Variants in HPSE2 observed in about 807,000 individuals in gnomAD.
HPSE2 encodes heparanase 2 (inactive).
Under a neutral mutation model 60.5 loss-of-function variants are expected in HPSE2, and 38 were observed. The observed-to-expected ratio is 0.63, with a 90% CI of 0.48 to 0.82. The LOEUF (loss-of-function observed/expected upper bound fraction) is 0.82, where lower values mean the gene tolerates loss of function less well. Among genes scored for constraint, HPSE2 ranks in the 40% least tolerant of loss-of-function variants. HPSE2 has a pLI of 0.00. For missense variants in HPSE2, 713 were observed against 740.4 expected (o/e 0.96, Z 0.43); for synonymous variants, 295 against 293.2 (o/e 1.01, Z -0.06).
At chr10:99,287,882 T>A in the HPSE2 span, among the ~76,000 whole-genome samples, 2 of 152,128 alleles carry the variant, frequency 1.3e-5, no homozygotes, top group African/African-American at 2.4e-5. Context: ...AAAAATGGCT[T>A]CTGGTAGGGG....
At chr10:98,499,396 G>A (rs916034150) in intron 9 of HPSE2, among the ~76,000 whole-genome samples, 1 of 152,068 alleles carries the variant, frequency 6.6e-6, no homozygotes, top group East Asian at 1.9e-4. Context: ...TGAATCCAGC[G>A]AAACTAAGCA....
intron 6 of HPSE2, among the ~76,000 whole-genome samples, chr10:98,673,259 T>C (rs1565068218): frequency 6.6e-6 from 1 of 152,184 alleles, no homozygotes; most frequent in Non-Finnish European, 1.5e-5. Context: ...TAGAGACAAA[T>C]GTATCAAGTT....
At chr10:98,917,671 T>C (rs1382738560) in intron 3 of HPSE2, among the ~76,000 whole-genome samples, 1 of 152,192 alleles carries the variant, frequency 6.6e-6, no homozygotes, top group Admixed American at 6.5e-5. Flanking sequence ...CTACCCTTAT[T>C]ATTATTATTT....
intron 6 of HPSE2, among the ~76,000 whole-genome samples, chr10:98,682,922 G>C (rs1000766908): frequency 2.0e-5 from 3 of 152,142 alleles, no homozygotes; most frequent in Non-Finnish European, 2.9e-5. Flanking sequence ...GGACCATCAA[G>C]CACAGTGAAG....
At chr10:98,504,613 C>T (rs935964955) in intron 9 of HPSE2, among the ~76,000 whole-genome samples, 9 of 152,020 alleles carry the variant, frequency 5.9e-5, no homozygotes, top group African/African-American at 2.2e-4. Context: ...CATGAAACCT[C>T]GTCTCTACTA....
chr10:98,494,557 CAGAT>C (rs1941768018), intron 9 of HPSE2, among the ~76,000 whole-genome samples: 1 of 152,188 alleles, frequency 6.6e-6, no homozygotes, highest in South Asian at 2.1e-4. Flanking sequence ...TTATGGCTAG[CAGAT>C]ATTTAAGAAT....
intron 9 of HPSE2, among the ~76,000 whole-genome samples, chr10:98,519,934 C>A (rs1011341779): frequency 6.6e-6 from 1 of 152,220 alleles, no homozygotes; most frequent in African/African-American, 2.4e-5. Flanking sequence ...CAGCAACATA[C>A]ATGAGAGCCA....
In HPSE2 at chr10:98,626,253, G is replaced by A. The variant is rs1245679093; in HGVS notation, c.1099-5545C>T. Among the ~76,000 whole-genome samples the A allele has an allele frequency of 2.6e-5, 4 of 152,304 alleles. 1 individual carries two copies. The highest frequency in any genetic ancestry group is 6.8e-3 in the Middle Eastern group (2 of 294). The stretch of plus-strand genomic sequence containing the variant: ...GAATTTGTTTGCAAAGCAAAAAGGA[G>A]CACCTCCTACCACCAGGAAGTTCAA... On this transcript the variant is annotated intron_variant, in intron 7 of 11. Coordinates refer to ENST00000370552, the MANE Select transcript of HPSE2 (RefSeq NM_021828.5).
chr10:99,297,646 C>G, the HPSE2 span, among the ~76,000 whole-genome samples: 1 of 152,112 alleles, frequency 6.6e-6, no homozygotes, highest in Non-Finnish European at 1.5e-5. Context: ...TATAACGAGA[C>G]ACTTGATTGT....
At chr10:98,617,014 A>G (rs919503422) in intron 8 of HPSE2, among the ~76,000 whole-genome samples, 12 of 152,204 alleles carry the variant, frequency 7.9e-5, no homozygotes, top group African/African-American at 2.9e-4. Flanking sequence ...AAATGGCACA[A>G]ATACAATAGG....
chr10:98,562,887 CA>C (rs1339101352), intron 9 of HPSE2, among the ~76,000 whole-genome samples: 3 of 151,710 alleles, frequency 2.0e-5, no homozygotes, highest in Non-Finnish European at 4.4e-5. Context: ...GATGATTTTA[CA>C]AGAGGTTTGA....
chr10:99,198,260 T>C (rs972183272), intron 2 of HPSE2, among the ~76,000 whole-genome samples: 2 of 152,192 alleles, frequency 1.3e-5, no homozygotes, highest in African/African-American at 4.8e-5. Context: ...TGAGTAATAA[T>C]AATTTTTTCT....
intron 3 of HPSE2, among the ~76,000 whole-genome samples, chr10:98,985,514 C>G (rs1197184773): frequency 1.3e-5 from 2 of 152,166 alleles, no homozygotes; most frequent in African/African-American, 4.8e-5. Context: ...AAAGGAACAA[C>G]CAGTACCAGC....
intron 3 of HPSE2, among the ~76,000 whole-genome samples, chr10:99,026,173 C>T (rs920800389): frequency 6.6e-6 from 1 of 151,910 alleles, no homozygotes; most frequent in African/African-American, 2.4e-5. Flanking sequence ...ATCAAAAAAA[C>T]ATACACTGGC....
chr10:99,235,129 T>C (rs998327895), intron 1 of HPSE2, among the ~76,000 whole-genome samples: 68 of 114,834 alleles, frequency 5.9e-4, no homozygotes, highest in South Asian at 9.7e-4. Context: ...CACACACACA[T>C]ACCCATTCCT....
chr10:98,862,331 G>A (rs1189709109), intron 3 of HPSE2, among the ~76,000 whole-genome samples: 1 of 152,104 alleles, frequency 6.6e-6, no homozygotes, highest in Non-Finnish European at 1.5e-5. Context: ...CCAAGTATCA[G>A]TCCTTAGAAA....
intron 9 of HPSE2, among the ~76,000 whole-genome samples, chr10:98,604,423 T>C (rs1178039092): frequency 2.0e-5 from 3 of 151,984 alleles, no homozygotes. Flanking sequence ...TGAGGATATA[T>C]CAATAGAAAT....
intron 10 of HPSE2, among the ~76,000 whole-genome samples, chr10:98,484,291 G>A (rs756095143): frequency 3.3e-5 from 5 of 151,546 alleles, no homozygotes; most frequent in Admixed American, 6.6e-5. Context: ...AGGCTGGAGT[G>A]CAGTGGCACG....
intron 9 of HPSE2, among the ~76,000 whole-genome samples, chr10:98,604,984 A>C (rs898433666): frequency 1.3e-5 from 2 of 152,170 alleles, no homozygotes; most frequent in African/African-American, 4.8e-5. Context: ...TCCTGCTGTC[A>C]CTTCATTATG....
Sources: gnomAD v4.1 joint callset for allele counts (sites outside exome capture counted in the v4.1 genomes callset) on GRCh38, gnomAD v4.1.1 for gene constraint, MANE v1.5 for transcripts, NCBI Gene and HGNC (gene_info 2026-07-23, HGNC 2026-07-21) for gene names.